Variants in LARP4B observed in about 807,000 individuals in gnomAD.
LARP4B encodes the protein la-related protein 4B.
Under a neutral mutation model 89.8 loss-of-function variants are expected in LARP4B, and 12 were observed. The observed-to-expected ratio is 0.13, with a 90% confidence interval of 0.09 to 0.22. LARP4B has a LOEUF of 0.22. LARP4B is among the 10% of genes least tolerant of loss of function. The probability of loss-of-function intolerance (pLI) is 1.00; values close to 1 mark genes in which losing one functional copy is unlikely to be tolerated. For synonymous variants in LARP4B, 367 were observed against 363.3 expected, an observed-to-expected ratio of 1.01 and a Z score of -0.12; for missense variants, 757 against 947.7, an observed-to-expected ratio of 0.80 and a Z score of 2.64.
At chr10:927,800 A>C (rs1564449596) in intron 1 of LARP4B, among the ~76,000 whole-genome samples, 1 of 152,240 alleles carries the variant, frequency 6.6e-6, no homozygotes, top group Non-Finnish European at 1.5e-5. Flanking sequence ...AATTTTGTAG[A>C]AGAAATTACA....
the LARP4B span, among the ~76,000 whole-genome samples, chr10:940,660 G>A: frequency 1.3e-5 from 2 of 152,210 alleles, no homozygotes; most frequent in East Asian, 1.9e-4. Flanking sequence ...AAAATAGCAC[G>A]GGCATTTGTG....
intron 5 of LARP4B, 78 bp from the exon 6 acceptor site, chr10:845,133 T>C: frequency 2.1e-6 from 2 of 964,890 alleles, no homozygotes; most frequent in African/African-American, 1.6e-5. Context: ...GCAGTTCTAA[T>C]GCTTTCAACT....
intron 3 of LARP4B, among the ~76,000 whole-genome samples, chr10:870,867 C>A (rs1835166283): frequency 6.6e-6 from 1 of 152,208 alleles, no homozygotes; most frequent in African/African-American, 2.4e-5. Flanking sequence ...TTCTGTATAA[C>A]TGGATTAACA....
intron 8 of LARP4B, among the ~76,000 whole-genome samples, chr10:832,597 GACTT>G (rs1832966495): frequency 6.6e-6 from 1 of 152,104 alleles, no homozygotes; most frequent in Admixed American, 6.5e-5. Flanking sequence ...GCCAGAGAAA[GACTT>G]ATTACATACA....
intron 15 of LARP4B, among the ~76,000 whole-genome samples, chr10:816,497 A>C (rs887506464): frequency 2.6e-5 from 4 of 152,202 alleles, no homozygotes; most frequent in African/African-American, 9.6e-5. Flanking sequence ...AGGCTTTTCA[A>C]AGAAGCAATT....
upstream of LARP4B, among the ~76,000 whole-genome samples, chr10:935,177 G>C (rs1255932083): frequency 1.3e-5 from 2 of 152,132 alleles, no homozygotes; most frequent in African/African-American, 4.8e-5. Flanking sequence ...GTCTACACTT[G>C]AATAAAATAC....
chr10:912,670 A>G (rs1480348232), intron 1 of LARP4B, among the ~76,000 whole-genome samples: 1 of 150,378 alleles, frequency 6.6e-6, no homozygotes, highest in Non-Finnish European at 1.5e-5. Flanking sequence ...TCAAGAGGTC[A>G]AAACCAGCCT....
chr10:916,522 C>T (rs941294049), intron 1 of LARP4B, among the ~76,000 whole-genome samples: 7 of 152,030 alleles, frequency 4.6e-5, no homozygotes, highest in African/African-American at 1.2e-4. Context: ...ACGGAGAAAC[C>T]CCATCTCTAC....
At chr10:886,009 C>T (rs1450644512) in intron 1 of LARP4B, among the ~76,000 whole-genome samples, 1 of 152,128 alleles carries the variant, frequency 6.6e-6, no homozygotes, top group African/African-American at 2.4e-5. Context: ...AACTCATGTG[C>T]TGACACAAAT....
chr10:862,724 C>A (rs1043671501), intron 5 of LARP4B, among the ~76,000 whole-genome samples: 3 of 151,820 alleles, frequency 2.0e-5, no homozygotes, highest in African/African-American at 7.3e-5. Context: ...CTCACCACTG[C>A]ACTCCAGGCT....
intron 1 of LARP4B, among the ~76,000 whole-genome samples, chr10:890,468 A>G (rs1835981023): frequency 6.6e-6 from 1 of 152,218 alleles, no homozygotes; most frequent in South Asian, 2.1e-4. Context: ...TGTAGTACCA[A>G]CGTCTTCTTA....
intron 3 of LARP4B, among the ~76,000 whole-genome samples, chr10:865,879 C>G (rs2131850901): frequency 6.6e-6 from 1 of 152,336 alleles, no homozygotes; most frequent in East Asian, 1.9e-4. Context: ...AGGCTGCAAG[C>G]TGGGAGCAGT....
At chr10:975,370 G>A in the LARP4B span, among the ~76,000 whole-genome samples, 2,764 of 152,268 alleles carry the variant, frequency 0.018, 41 homozygotes, top group Non-Finnish European at 0.029. Flanking sequence ...AGGGTCTGCC[G>A]CACAGCTGGA....
chr10:931,905 C>G (rs1474901057), upstream of LARP4B, among the ~76,000 whole-genome samples: 2 of 150,636 alleles, frequency 1.3e-5, no homozygotes, highest in South Asian at 4.1e-4. Flanking sequence ...GCGCGTACAC[C>G]CTGCTCGCGG....
chr10:938,629 G>A, the LARP4B span, among the ~76,000 whole-genome samples: 5 of 152,308 alleles, frequency 3.3e-5, no homozygotes, highest in South Asian at 1.0e-3. Context: ...ATTTAGGGGT[G>A]AGGGGTTAAG....
chr10:813,157 A>C lies in LARP4B; in HGVS notation c.1986T>G (p.Pro662=), dbSNP rs1314359807. 6.2e-7 allele frequency: 1 copy of C among 1,613,804 alleles called. No individual in the cohort carries two copies. Among genetic ancestry groups the C allele is most frequent in the Non-Finnish European group, 8.5e-7 (1 of 1,179,992 alleles). ...EICQRTSKEP[P]SSPLQPQKEQ... The stretch of plus-strand genomic sequence containing the variant: ...CTTTTTGGGGTTGCAATGGGGAAGA[A>C]GGAGGCTCTTTACTCGTTCTCTGAC... Residue 662 remains proline, a synonymous_variant, in exon 18 of 18, where the codon CCT becomes CCG. Coordinates refer to ENST00000316157, the MANE Select transcript of LARP4B (RefSeq NM_015155.3).
chr10:933,827 T>A (rs1830715594), upstream of LARP4B, among the ~76,000 whole-genome samples: 1 of 151,772 alleles, frequency 6.6e-6, no homozygotes, highest in South Asian at 2.1e-4. Flanking sequence ...CCAAAATTGG[T>A]AGGTTAAACT....
chr10:937,859 G>A, the LARP4B span, among the ~76,000 whole-genome samples: 35 of 152,196 alleles, frequency 2.3e-4, no homozygotes, highest in African/African-American at 8.2e-4. Flanking sequence ...TAACATTACT[G>A]GATTTTATTT....
At chr10:927,908 A>G (rs1347002171) in intron 1 of LARP4B, among the ~76,000 whole-genome samples, 1 of 152,236 alleles carries the variant, frequency 6.6e-6, no homozygotes, top group East Asian at 1.9e-4. Context: ...TGATAAAAGC[A>G]TATTTAAAAC....
Sources: gnomAD v4.1 joint callset for allele counts (sites outside exome capture counted in the v4.1 genomes callset) on GRCh38, gnomAD v4.1.1 for gene constraint, MANE v1.5 for transcripts, NCBI Gene and HGNC (gene_info 2026-07-23, HGNC 2026-07-21) for gene names.